The following DCC variants were observed in gnomAD, a reference collection of about 807,000 sequenced individuals.
DCC encodes the protein netrin receptor DCC.
DCC carries 58 observed loss-of-function variants against 172.5 expected under a neutral mutation model. The ratio of observed to expected loss-of-function variants is 0.34; its 90% CI spans 0.27 to 0.42. The LOEUF (loss-of-function observed/expected upper bound fraction) is 0.42, where lower values mean the gene tolerates loss of function less well. Ranked by LOEUF, DCC falls within the 10% of genes least tolerant of loss-of-function variation. The probability of loss-of-function intolerance (pLI) is 1.00; values close to 1 mark genes in which losing one functional copy is unlikely to be tolerated. For synonymous variants in DCC, 709 were observed against 644.5 expected, an observed-to-expected ratio of 1.10 and a Z score of -1.52; for missense variants, 1,740 against 1,791.0, an observed-to-expected ratio of 0.97 and a Z score of 0.51.
At chr18:53,493,176 T>C (rs2045978556) in intron 26 of DCC, among the ~76,000 whole-genome samples, 1 of 152,226 alleles carries the variant, frequency 6.6e-6, no homozygotes, top group Non-Finnish European at 1.5e-5. Context: ...ACTGATTTTG[T>C]ATCCTGAGCC....
chr18:53,229,861 T>A (rs749307306), intron 12 of DCC, among the ~76,000 whole-genome samples: 1 of 152,160 alleles, frequency 6.6e-6, no homozygotes, highest in Admixed American at 6.6e-5. Flanking sequence ...AAAAGAAAGG[T>A]CAAATTCTTT....
intron 1 of DCC, among the ~76,000 whole-genome samples, chr18:52,411,151 C>T (rs370454237): frequency 1.7e-4 from 26 of 152,226 alleles, no homozygotes; most frequent in African/African-American, 5.5e-4. Flanking sequence ...GAAGTTACTA[C>T]GGTTTGCATG....
intron 1 of DCC, among the ~76,000 whole-genome samples, chr18:52,389,002 G>T (rs1985926792): frequency 6.6e-6 from 1 of 152,122 alleles, no homozygotes; most frequent in African/African-American, 2.4e-5. Context: ...TATGTCTTCT[G>T]CTGGGTGTTA....
At chr18:52,700,226 ATG>A (rs1207614342) in intron 1 of DCC, among the ~76,000 whole-genome samples, 124 of 143,924 alleles carry the variant, frequency 8.6e-4, no homozygotes, top group Non-Finnish European at 1.5e-3. Context: ...GTGCACACAC[ATG>A]CACACTCACA....
intron 1 of DCC, among the ~76,000 whole-genome samples, chr18:52,743,657 TA>T (rs2036860432): frequency 6.6e-6 from 1 of 152,216 alleles, no homozygotes; most frequent in South Asian, 2.1e-4. Flanking sequence ...TCTTGCCCTT[TA>T]AAAACCTCAG....
intron 8 of DCC, among the ~76,000 whole-genome samples, chr18:53,161,155 G>A (rs537552908): frequency 1.3e-5 from 2 of 152,272 alleles, no homozygotes; most frequent in Non-Finnish European, 2.9e-5. Flanking sequence ...TCCTTGAATT[G>A]TCTAACTTCA....
intron 2 of DCC, among the ~76,000 whole-genome samples, chr18:52,860,708 T>C (rs1169552485): frequency 6.6e-6 from 1 of 152,222 alleles, no homozygotes; most frequent in Middle Eastern, 3.2e-3. Context: ...CTTTAAAAGT[T>C]GGCTTTGCTA....
At chr18:53,258,816 AAAGTCTCCCATTATTGTATGGGAGTCT>A (rs1178678266) in intron 12 of DCC, among the ~76,000 whole-genome samples, 2 of 152,146 alleles carry the variant, frequency 1.3e-5, no homozygotes, top group Admixed American at 1.3e-4. Context: ...GTGGGGTGTT[AAAGTCTCCCATTATTGTATGGGAGTCT>A]AAGTCTCTTT....
At chr18:52,408,324 C>G (rs1986725718) in intron 1 of DCC, among the ~76,000 whole-genome samples, 1 of 151,318 alleles carries the variant, frequency 6.6e-6, no homozygotes, top group Non-Finnish European at 1.5e-5. Flanking sequence ...TTTTTTTAAG[C>G]TTTTTTCATG....
intron 3 of DCC, among the ~76,000 whole-genome samples, chr18:52,916,571 G>T (rs1368704012): frequency 6.6e-6 from 1 of 152,126 alleles, no homozygotes; most frequent in Non-Finnish European, 1.5e-5. Flanking sequence ...TGATGTGACA[G>T]AATCATGCAT....
intron 7 of DCC, among the ~76,000 whole-genome samples, chr18:53,092,521 G>T (rs2043028925): frequency 6.6e-6 from 1 of 152,016 alleles, no homozygotes. Flanking sequence ...TAACTTTATT[G>T]CAACAATCCA....
rs143214224 is a variant in DCC, at chr18:52,640,508, A to G, written c.92-111546A>G. On this transcript the variant is annotated intron_variant, in intron 1 of 28. Coordinates refer to ENST00000442544, the MANE Select transcript of DCC (RefSeq NM_005215.4). ...CTTAGAACTGATAAAAGAATTCAGC[A>G]AAGTTTCCAGATGTAAGATTAATGT... 5.4e-3 allele frequency among the ~76,000 whole-genome samples: 824 copies of G among 152,314 alleles called. 3 individuals are homozygous for G. The highest frequency in any genetic ancestry group is 0.016 in the African/African-American group (679 of 41,578).
chr18:53,169,811 C>A (rs546649652), intron 8 of DCC, among the ~76,000 whole-genome samples: 21 of 152,066 alleles, frequency 1.4e-4, no homozygotes, highest in Non-Finnish European at 2.9e-4. Flanking sequence ...TCTTCAGAAC[C>A]CAGTGTGCTT....
At chr18:52,420,312 C>T (rs1202524141) in intron 1 of DCC, among the ~76,000 whole-genome samples, 1 of 152,148 alleles carries the variant, frequency 6.6e-6, no homozygotes, top group Non-Finnish European at 1.5e-5. Flanking sequence ...TTCTGGAATG[C>T]CCAGACTGTG....
chr18:52,344,283 C>T (rs1983786373), intron 1 of DCC, among the ~76,000 whole-genome samples: 1 of 152,134 alleles, frequency 6.6e-6, no homozygotes, highest in Non-Finnish European at 1.5e-5. Context: ...AGGATATTTG[C>T]AGGCTGTAGT....
chr18:52,345,418 A>G (rs1047875546), intron 1 of DCC, among the ~76,000 whole-genome samples: 1 of 152,172 alleles, frequency 6.6e-6, no homozygotes, highest in Non-Finnish European at 1.5e-5. Flanking sequence ...AATGCTCTGG[A>G]GGAAAATTTA....
At chr18:53,085,151 C>A (rs1322330771) in intron 7 of DCC, among the ~76,000 whole-genome samples, 1 of 152,100 alleles carries the variant, frequency 6.6e-6, no homozygotes, top group Non-Finnish European at 1.5e-5. Context: ...GCCAGGAAGC[C>A]ACAAGGAATT....
intron 14 of DCC, among the ~76,000 whole-genome samples, chr18:53,338,569 C>G (rs1000423625): frequency 6.6e-6 from 1 of 152,156 alleles, no homozygotes; most frequent in Admixed American, 6.5e-5. Flanking sequence ...CCACTGCACT[C>G]TAGCCTGGGC....
rs750328638 is a variant in DCC, at chr18:53,526,587, T to C, written c.4112-30T>C. ...AGTGTTCTGCAGAATGTTTTCTACA[T>C]TACTTTCATCACTGTGTTTTCTATT... On this transcript the variant is annotated intron_variant, in intron 27 of 28. Coordinates refer to ENST00000442544, the MANE Select transcript of DCC (RefSeq NM_005215.4). 4.3e-6 allele frequency: 7 copies of C among 1,611,460 alleles called. No homozygotes were observed. The South Asian group carries it at 6.6e-5, about 15-fold the overall frequency.
Sources: allele counts gnomAD v4.1 joint callset (sites outside exome capture counted in the v4.1 genomes callset), GRCh38; gene constraint gnomAD v4.1.1; transcripts MANE v1.5; gene names NCBI Gene and HGNC (gene_info 2026-07-23, HGNC 2026-07-21).